ADGRF1: variants seen among roughly 807,000 people sequenced by gnomAD.
ADGRF1 encodes the protein adhesion G protein-coupled receptor F1, also known as G protein-coupled receptor 110.
In ADGRF1, 85 loss-of-function variants were observed where a neutral mutation model predicts 87.2. That is an observed-to-expected ratio of 0.97 (90% CI 0.82 to 1.17). The LOEUF is 1.17. Among genes scored for constraint, ADGRF1 ranks in the 50% most tolerant of loss-of-function variants. The probability of loss-of-function intolerance (pLI) is 0.00; values close to 1 mark genes in which losing one functional copy is unlikely to be tolerated. For missense variants in ADGRF1, 1,169 were observed against 1,077.2 expected (o/e 1.09, Z -1.19); for synonymous variants, 430 against 408.8 (o/e 1.05, Z -0.63).
In ADGRF1 at chr6:47,012,072, T is replaced by C. The variant is rs1328726914; in HGVS notation, c.1051A>G (p.Ile351Val). The C allele has an allele frequency of 6.2e-7, 1 of 1,614,094 alleles. No individual in the cohort carries two copies. Among genetic ancestry groups the C allele is most frequent in the East Asian group, 2.2e-5 (1 of 44,876 alleles). ...GACAGAGATGAAATATTGCTCAGAA[T>C]CGACACCACCGAAGCCAGATTCCCC... ...TVGNLASVVS[I>V]LSNISSLSLA... The change falls in exon 10 of 15, where the codon ATT (isoleucine) becomes GTT (valine). Residue 351 changes from isoleucine (I) to valine (V), a missense_variant. Transcript: ENST00000371253.
intron 13 of ADGRF1, 188 bp from the exon 14 acceptor site, chr6:47,001,755 A>G (rs910913009): frequency 3.9e-6 from 2 of 513,408 alleles, no homozygotes; most frequent in Non-Finnish European, 6.9e-6. Context: ...AAAATGCCTA[A>G]AAATTTATTT....
chr6:47,005,337 TA>T (rs1034017034), intron 13 of ADGRF1, among the ~76,000 whole-genome samples: 30 of 152,010 alleles, frequency 2.0e-4, no homozygotes, highest in African/African-American at 7.2e-4. Flanking sequence ...GATAGCAGCC[TA>T]AAAAAAGAAA....
intron 10 of ADGRF1, among the ~76,000 whole-genome samples, chr6:47,011,387 T>C (rs1269131275): frequency 2.6e-5 from 4 of 152,234 alleles, no homozygotes; most frequent in Non-Finnish European, 4.4e-5. Flanking sequence ...ATAAAATGTA[T>C]ACACCCAAAA....
chr6:47,009,685 C>T lies in ADGRF1; in HGVS notation c.1750G>A (p.Val584Ile), dbSNP rs188943175. Reference protein sequence around the residue: ...SPFVPSTIFPVVKWITYVGLG... With the variant: ...SPFVPSTIFPIVKWITYVGLG... ...CCCACATAGGTGATCCATTTTACAA[C>T]GGGGAAGATTGTAGAGGGGACAAAA... The change falls in exon 11 of 15, where the codon GTT (valine) becomes ATT (isoleucine). Residue 584 changes from valine to isoleucine, a missense_variant. Coordinates refer to ENST00000371253, the MANE Select transcript of ADGRF1 (RefSeq NM_153840.4). 13 of 1,614,042 alleles carry T rather than the reference C, an allele frequency of 8.1e-6. No individual in the cohort carries two copies. Among genetic ancestry groups the T allele is most frequent in the South Asian group, 2.2e-5 (2 of 91,074 alleles).
chr6:47,026,057 T>C (rs1432353164), intron 3 of ADGRF1, 54 bp from the exon 4 acceptor site: 6 of 1,458,880 alleles, frequency 4.1e-6, no homozygotes, highest in Non-Finnish European at 5.5e-6. Flanking sequence ...GGGAAAATAT[T>C]GCTGAGGAAG....
At position 47,016,781 on chromosome 6, in the gene ADGRF1, T is replaced by C; in HGVS notation, c.612-13A>G. On this transcript the variant is annotated splice_polypyrimidine_tract_variant and intron_variant, in intron 7 of 14. Coordinates refer to ENST00000371253, the MANE Select transcript of ADGRF1 (RefSeq NM_153840.4). ...GATGCTTCCATTTCTGCAGTGATTA[T>C]GGGGAAAGAGAAATGAGATTCACTA... 6.4e-7 allele frequency: 1 copy of C among 1,566,124 alleles called. No individual in the cohort carries two copies. The highest frequency in any genetic ancestry group is 1.4e-5 in the African/African-American group (1 of 73,990).
At chr6:47,001,055 C>T (rs1747076747) in intron 14 of ADGRF1, among the ~76,000 whole-genome samples, 2 of 152,368 alleles carry the variant, frequency 1.3e-5, no homozygotes, top group East Asian at 1.9e-4. Context: ...GCAGGTGTGG[C>T]CCCTTCCTGC....
At chr6:47,007,886 C>T (rs555814985) in intron 11 of ADGRF1, among the ~76,000 whole-genome samples, 3 of 152,196 alleles carry the variant, frequency 2.0e-5, no homozygotes, top group Non-Finnish European at 4.4e-5. Flanking sequence ...CTTGTCACTG[C>T]TAGGGGCATG....
At chr6:47,016,547 T>C in intron 8 of ADGRF1, 70 bp downstream of exon 8, 1 of 1,379,038 alleles carries the variant, frequency 7.3e-7, no homozygotes, top group Admixed American at 2.6e-5. Flanking sequence ...ATCTACTTCC[T>C]GAGGACACAA....
At chr6:47,014,647 A>G in intron 9 of ADGRF1, 34 bp downstream of exon 9, 1 of 1,599,606 alleles carries the variant, frequency 6.3e-7, no homozygotes, top group African/African-American at 1.3e-5. Flanking sequence ...GAAACTCAAG[A>G]CCAGGGCAAG....
chr6:47,032,221 G>T (rs1033969489), intron 1 of ADGRF1, among the ~76,000 whole-genome samples: 3 of 152,156 alleles, frequency 2.0e-5, no homozygotes, highest in Non-Finnish European at 4.4e-5. Context: ...CACCTAGCCT[G>T]GTCGTGTGAT....
At chr6:47,030,152 G>T (rs915147247) in intron 1 of ADGRF1, among the ~76,000 whole-genome samples, 1 of 152,124 alleles carries the variant, frequency 6.6e-6, no homozygotes, top group Non-Finnish European at 1.5e-5. Context: ...ACCCCACACT[G>T]CCCTCTAATC....
At chr6:47,029,181 T>C (rs1780337871) in intron 1 of ADGRF1, 77 bp from the exon 2 acceptor site, 1 of 779,316 alleles carries the variant, frequency 1.3e-6, no homozygotes, top group Non-Finnish European at 2.2e-6. Flanking sequence ...ATGCACAAAG[T>C]GGTAAGGCCT....
At chr6:47,035,211 C>A (rs578137428) in intron 1 of ADGRF1, among the ~76,000 whole-genome samples, 1 of 152,134 alleles carries the variant, frequency 6.6e-6, no homozygotes, top group Non-Finnish European at 1.5e-5. Flanking sequence ...GACCATGAAG[C>A]CCTTAAAAGA....
chr6:47,022,957 C>A (rs2113896350), intron 5 of ADGRF1, among the ~76,000 whole-genome samples: 2 of 151,986 alleles, frequency 1.3e-5, no homozygotes, highest in East Asian at 3.9e-4. Context: ...AGGCACACAC[C>A]ACCACACCTG....
chr6:47,008,115 T>C (rs1009339960), intron 11 of ADGRF1, among the ~76,000 whole-genome samples: 1 of 152,218 alleles, frequency 6.6e-6, no homozygotes, highest in African/African-American at 2.4e-5. Context: ...GATTAAGCAA[T>C]GTGCTAGAGG....
At chr6:47,035,727 G>T (rs951564089) in intron 1 of ADGRF1, among the ~76,000 whole-genome samples, 4 of 152,112 alleles carry the variant, frequency 2.6e-5, no homozygotes, top group African/African-American at 4.8e-5. Flanking sequence ...TTGTTAATTT[G>T]ATCTCCACCT....
At chr6:47,035,673 G>A (rs558161516) in intron 1 of ADGRF1, among the ~76,000 whole-genome samples, 12 of 152,178 alleles carry the variant, frequency 7.9e-5, no homozygotes, top group East Asian at 7.7e-4. Context: ...ATCATGAGCC[G>A]GTTAGTTTTT....
Position 47,016,687 on chromosome 6 carries a change from G to A in ADGRF1, c.693C>T (p.Ala231=), listed in dbSNP as rs768177670. The change falls in exon 8 of 15, where the codon GCC becomes GCT. Residue 231 remains alanine, a synonymous_variant. Coordinates refer to ENST00000371253, the MANE Select transcript of ADGRF1 (RefSeq NM_153840.4). ...SELLSAIEHV[A]EKAKTALHKL... is the part of the protein sequence containing the mutation. Reference sequence around the variant, plus strand: ...TGTGAAGGGCTGTCTTAGCCTTCTCGGCAACATGTTCAATGGCTGACAGCA... The same window carrying A: ...TGTGAAGGGCTGTCTTAGCCTTCTCAGCAACATGTTCAATGGCTGACAGCA... 19 of 1,612,290 alleles carry A rather than the reference G, an allele frequency of 1.2e-5. No individual in the cohort carries two copies. Among genetic ancestry groups the A allele is most frequent in the East Asian group, 2.2e-5 (1 of 44,850 alleles).
Sources: gnomAD v4.1 joint callset for allele counts (sites outside exome capture counted in the v4.1 genomes callset) on GRCh38, gnomAD v4.1.1 for gene constraint, MANE v1.5 for transcripts, NCBI Gene and HGNC (gene_info 2026-07-23, HGNC 2026-07-21) for gene names.